Variants in BMP2K observed in about 807,000 individuals in gnomAD.
BMP2K encodes BMP2 inducible kinase.
A neutral mutation model predicts 116.0 loss-of-function variants in BMP2K; 74 were observed. That is an observed-to-expected ratio of 0.64 (90% CI 0.53 to 0.77). The LOEUF is 0.77. BMP2K is among the 30% of genes least tolerant of loss of function. The pLI is 0.00. For missense variants in BMP2K, 1,365 were observed against 1,403.6 expected (o/e 0.97, Z 0.44); for synonymous variants, 486 against 502.5 (o/e 0.97, Z 0.44).
intron 1 of BMP2K, among the ~76,000 whole-genome samples, chr4:78,802,114 ATTTTC>A (rs975679661): frequency 1.3e-5 from 2 of 152,142 alleles, no homozygotes; most frequent in African/African-American, 4.8e-5. Context: ...GCAGATAGTT[ATTTTC>A]TTTTAGCATT....
At chr4:78,878,699 C>T in intron 13 of BMP2K, 35 bp from the exon 14 acceptor site, 3 of 1,499,266 alleles carry the variant, frequency 2.0e-6, no homozygotes, top group Non-Finnish European at 2.7e-6. Flanking sequence ...ATTTTTCTTT[C>T]CATCTTCTTT....
chr4:78,816,824 C>T (rs762287767), intron 1 of BMP2K, among the ~76,000 whole-genome samples: 19 of 152,248 alleles, frequency 1.2e-4, no homozygotes, highest in Admixed American at 2.6e-4. Context: ...GATTATTCAT[C>T]GTGTATTTAC....
intron 15 of BMP2K, among the ~76,000 whole-genome samples, chr4:78,902,145 A>G (rs892527887): frequency 2.6e-5 from 4 of 152,178 alleles, no homozygotes; most frequent in African/African-American, 4.8e-5. Context: ...GATATACTGA[A>G]TTCCACTGTA....
intron 13 of BMP2K, among the ~76,000 whole-genome samples, chr4:78,874,618 T>C (rs1732545243): frequency 6.6e-6 from 1 of 152,200 alleles, no homozygotes; most frequent in South Asian, 2.1e-4. Flanking sequence ...TGACGTAGCA[T>C]ATATATTGTG....
At chr4:78,906,778 TC>T (rs1416987723) in intron 15 of BMP2K, among the ~76,000 whole-genome samples, 1 of 152,140 alleles carries the variant, frequency 6.6e-6, no homozygotes, top group Non-Finnish European at 1.5e-5. Context: ...ATTTGGCCAT[TC>T]CCAGGACATG....
chr4:78,814,859 ATAT>A (rs1384565530), intron 1 of BMP2K, among the ~76,000 whole-genome samples: 13 of 152,062 alleles, frequency 8.5e-5, no homozygotes, highest in Admixed American at 5.9e-4. Context: ...ACTACATTTG[ATAT>A]TATTATATTC....
intron 1 of BMP2K, among the ~76,000 whole-genome samples, chr4:78,820,568 C>G (rs1729568920): frequency 6.6e-6 from 1 of 151,928 alleles, no homozygotes; most frequent in African/African-American, 2.4e-5. Context: ...GATACTGGAT[C>G]TGGTGGACTG....
At chr4:78,850,500 G>C (rs1049915548) in intron 6 of BMP2K, among the ~76,000 whole-genome samples, 1 of 151,898 alleles carries the variant, frequency 6.6e-6, no homozygotes, top group Non-Finnish European at 1.5e-5. Flanking sequence ...AAGTTTAACT[G>C]TGCTGGCTAA....
intron 1 of BMP2K, among the ~76,000 whole-genome samples, chr4:78,796,511 A>C (rs1000334124): frequency 6.6e-6 from 1 of 152,132 alleles, no homozygotes; most frequent in East Asian, 1.9e-4. Flanking sequence ...CAATGTGCAC[A>C]TGTACCCTAA....
intron 15 of BMP2K, among the ~76,000 whole-genome samples, chr4:78,909,492 T>C (rs888098770): frequency 3.9e-5 from 6 of 152,186 alleles, no homozygotes; most frequent in African/African-American, 1.4e-4. Context: ...CTTCACAGTC[T>C]GGCCTTTTCC....
At chr4:78,886,092 T>C (rs2110073272) in intron 14 of BMP2K, among the ~76,000 whole-genome samples, 1 of 152,274 alleles carries the variant, frequency 6.6e-6, no homozygotes, top group East Asian at 1.9e-4. Context: ...TCAGGCTGGT[T>C]TCAAGAAATC....
chr4:78,863,531 C>G (rs970481111), intron 9 of BMP2K, among the ~76,000 whole-genome samples: 1 of 152,024 alleles, frequency 6.6e-6, no homozygotes, highest in African/African-American at 2.4e-5. Context: ...GAATCACTGG[C>G]CTGGCAGATG....
At chr4:78,822,781 T>C (rs1729686393) in intron 1 of BMP2K, among the ~76,000 whole-genome samples, 3 of 152,146 alleles carry the variant, frequency 2.0e-5, no homozygotes, top group Admixed American at 1.3e-4. Context: ...CATGATAATA[T>C]AGTCAAATTC....
chr4:78,847,817 C>T (rs1731081523), intron 6 of BMP2K, among the ~76,000 whole-genome samples: 1 of 151,590 alleles, frequency 6.6e-6, no homozygotes, highest in South Asian at 2.1e-4. Context: ...AGAATATAGA[C>T]ATCTCTTTAG....
intron 1 of BMP2K, among the ~76,000 whole-genome samples, chr4:78,802,064 C>T (rs1284606460): frequency 6.6e-6 from 1 of 152,206 alleles, no homozygotes; most frequent in African/African-American, 2.4e-5. Flanking sequence ...TTTATTTTAA[C>T]TTCATTCTAG....
At chr4:78,877,122 A>G (rs748624310) in intron 13 of BMP2K, among the ~76,000 whole-genome samples, 8 of 152,158 alleles carry the variant, frequency 5.3e-5, no homozygotes, top group Admixed American at 2.0e-4. Context: ...GGGTGGGTCA[A>G]TGAGTGAGTC....
intron 1 of BMP2K, among the ~76,000 whole-genome samples, chr4:78,821,783 A>T (rs538309869): frequency 6.6e-6 from 1 of 152,338 alleles, no homozygotes; most frequent in East Asian, 1.9e-4. Context: ...TAACTATGCC[A>T]GAGGAACTGT....
intron 9 of BMP2K, among the ~76,000 whole-genome samples, chr4:78,861,682 T>A (rs1488478684): frequency 6.6e-6 from 1 of 152,004 alleles, no homozygotes; most frequent in African/African-American, 2.4e-5. Flanking sequence ...AACTGTTCAC[T>A]CTATGACAAG....
chr4:78,879,852 G>T (rs929946945), intron 14 of BMP2K: 1 of 152,046 alleles, frequency 6.6e-6, no homozygotes, highest in Admixed American at 6.5e-5. Flanking sequence ...AGAATAGTTT[G>T]GGATTTAAAT....
Sources: gnomAD v4.1 joint callset for allele counts (sites outside exome capture counted in the v4.1 genomes callset) on GRCh38, gnomAD v4.1.1 for gene constraint, MANE v1.5 for transcripts, NCBI Gene and HGNC (gene_info 2026-07-23, HGNC 2026-07-21) for gene names.